The following KCNQ3 variants were observed in gnomAD, a reference collection of about 807,000 sequenced individuals.
KCNQ3 encodes potassium voltage-gated channel subfamily Q member 3, also known as potassium voltage-gated channel subfamily KQT member 3.
A neutral mutation model predicts 92.5 loss-of-function variants in KCNQ3; 30 were observed. The observed-to-expected ratio is 0.32, with a 90% CI of 0.24 to 0.44. The LOEUF (loss-of-function observed/expected upper bound fraction) is 0.44. Ranked by LOEUF, KCNQ3 falls within the 20% of genes least tolerant of loss-of-function variation. KCNQ3 has a pLI of 1.00. For synonymous variants in KCNQ3, 450 were observed against 468.8 expected (o/e 0.96, Z 0.52); for missense variants, 913 against 1,140.3 (o/e 0.80, Z 2.87).
intron 1 of KCNQ3, among the ~76,000 whole-genome samples, chr8:132,304,955 G>A (rs970032894): frequency 1.3e-5 from 2 of 152,168 alleles, no homozygotes; most frequent in African/African-American, 4.8e-5. Flanking sequence ...TGAAGGAAAG[G>A]AGGAAGGAAG....
chr8:132,160,764 G>A lies in KCNQ3; in HGVS notation c.1262+2704C>T, dbSNP rs538047994. On this transcript the variant is annotated intron_variant, in intron 9 of 14. Coordinates refer to ENST00000388996, the MANE Select transcript of KCNQ3 (RefSeq NM_004519.4). ...AGTTGAATTCTTACAATGAGTGGGA[G>A]GTTGGCTTTGATAATTTTATGCTTC... 1.1e-3 allele frequency among the ~76,000 whole-genome samples: 161 copies of A among 152,142 alleles called. 4 individuals carry two copies. The highest frequency in any genetic ancestry group is 6.8e-3 in the Middle Eastern group (2 of 294).
chr8:132,396,235 C>A (rs1487086066), intron 1 of KCNQ3, among the ~76,000 whole-genome samples: 1 of 152,152 alleles, frequency 6.6e-6, no homozygotes, highest in African/African-American at 2.4e-5. Context: ...GAGCAGATAA[C>A]AAACACTTGG....
intron 1 of KCNQ3, among the ~76,000 whole-genome samples, chr8:132,256,088 G>A (rs984518441): frequency 3.9e-5 from 6 of 151,918 alleles, no homozygotes; most frequent in Non-Finnish European, 7.4e-5. Context: ...TCTTACATAT[G>A]TCCAAAACAC....
At chr8:132,221,729 T>A (rs1814244637) in intron 1 of KCNQ3, among the ~76,000 whole-genome samples, 1 of 152,080 alleles carries the variant, frequency 6.6e-6, no homozygotes, top group Non-Finnish European at 1.5e-5. Context: ...TATAGACCAA[T>A]GGAACAGAAC....
chr8:132,211,768 T>C (rs1162640368), intron 1 of KCNQ3, among the ~76,000 whole-genome samples: 1 of 151,812 alleles, frequency 6.6e-6, no homozygotes, highest in Non-Finnish European at 1.5e-5. Context: ...CTGACCAACA[T>C]AGTGACACCC....
At chr8:132,214,130 C>G (rs990595374) in intron 1 of KCNQ3, among the ~76,000 whole-genome samples, 1 of 152,152 alleles carries the variant, frequency 6.6e-6, no homozygotes, top group East Asian at 1.9e-4. Flanking sequence ...TGGCTGTGCC[C>G]CCAAATCACC....
At chr8:132,428,840 T>C (rs937771261) in intron 1 of KCNQ3, among the ~76,000 whole-genome samples, 2 of 152,032 alleles carry the variant, frequency 1.3e-5, no homozygotes, top group African/African-American at 4.8e-5. Context: ...GGTTGACATA[T>C]GAAAAAGAGA....
In KCNQ3 at chr8:132,132,187, T is replaced by G; in HGVS notation, c.1877A>C (p.Glu626Ala). The change falls in exon 14 of 15, where the codon GAA becomes GCA. Residue 626 changes from glutamate to alanine, a missense_variant. By Grantham distance (107) the Glu-to-Ala change is moderately radical (BLOSUM62 -1). This residue lies in a region of KCNQ3 where 375 missense variants were observed against 376.4 expected (regional missense o/e 1.00). Transcript: ENST00000388996. ...GAGGAAGAAAAGACTTACCTGTCTTTCAACTTTTACAAACTTCCCCATCAT... is the reference window on the plus strand; with the variant it reads ...GAGGAAGAAAAGACTTACCTGTCTTGCAACTTTTACAAACTTCCCCATCAT... Reference protein sequence around the residue: ...QSMMGKFVKVERQVQDMGKKL... With the variant: ...QSMMGKFVKVARQVQDMGKKL... 6.2e-7 allele frequency: 1 copy of G among 1,608,360 alleles called. No individual in the cohort carries two copies. The highest frequency in any genetic ancestry group is 2.2e-5 in the East Asian group (1 of 44,868).
intron 1 of KCNQ3, among the ~76,000 whole-genome samples, chr8:132,241,071 T>C (rs1431052551): frequency 1.3e-5 from 2 of 152,036 alleles, no homozygotes; most frequent in Admixed American, 1.3e-4. Context: ...GTATTTTTAG[T>C]AGAGATGGGG....
chr8:132,308,407 A>T (rs991367393), intron 1 of KCNQ3, among the ~76,000 whole-genome samples: 1 of 152,186 alleles, frequency 6.6e-6, no homozygotes, highest in Admixed American at 6.5e-5. Context: ...AGAGAAGAAG[A>T]TAACAAACTC....
chr8:132,292,678 T>A (rs1214305620), intron 1 of KCNQ3, among the ~76,000 whole-genome samples: 1 of 152,162 alleles, frequency 6.6e-6, no homozygotes, highest in Non-Finnish European at 1.5e-5. Context: ...ACTCGTGTGG[T>A]GTTATGATAT....
At chr8:132,478,443 C>T (rs188994942) in intron 1 of KCNQ3, among the ~76,000 whole-genome samples, 1 of 152,208 alleles carries the variant, frequency 6.6e-6, no homozygotes, top group Non-Finnish European at 1.5e-5. Context: ...ACTCAACGAA[C>T]TTCTTGTGCC....
At chr8:132,379,693 T>G (rs1819695575) in intron 1 of KCNQ3, among the ~76,000 whole-genome samples, 1 of 152,202 alleles carries the variant, frequency 6.6e-6, no homozygotes. Flanking sequence ...AAATAGAACG[T>G]CCTTAATTTT....
intron 1 of KCNQ3, among the ~76,000 whole-genome samples, chr8:132,402,051 T>C (rs1168148470): frequency 1.3e-5 from 2 of 152,060 alleles, no homozygotes; most frequent in Admixed American, 1.3e-4. Flanking sequence ...GGGGCAAGGG[T>C]GTGCATGTGC....
chr8:132,441,632 T>C (rs1285613422), intron 1 of KCNQ3, among the ~76,000 whole-genome samples: 1 of 152,180 alleles, frequency 6.6e-6, no homozygotes, highest in African/African-American at 2.4e-5. Context: ...CCTTTGGGTA[T>C]ATACCCAGTA....
In KCNQ3 at chr8:132,328,077, T is replaced by C. The variant is rs545121389; in HGVS notation, c.387-141896A>G. Among the ~76,000 whole-genome samples the C allele has an allele frequency of 2.6e-5, 4 of 152,270 alleles. No individual in the cohort carries two copies. In the East Asian group the frequency reaches 7.7e-4, roughly 29 times the overall value. On this transcript the variant is annotated intron_variant, in intron 1 of 14. Coordinates refer to ENST00000388996, the MANE Select transcript of KCNQ3 (RefSeq NM_004519.4). ...GCTCTCTGCAGTCACACAGGATGGC[T>C]GGGCTGTGCCATGTTCACCTGAACC...
At position 132,313,084 on chromosome 8, in the gene KCNQ3, A is replaced by T. The variant is rs115401333; in HGVS notation, c.387-126903T>A. ...TATTAAGGTGGCAGTGAGCAAGGCC[A>T]ACAGCAATCCACGTAACCCTGCCTG... On this transcript the variant is annotated intron_variant, in intron 1 of 14. Coordinates refer to ENST00000388996, the MANE Select transcript of KCNQ3 (RefSeq NM_004519.4). Among the ~76,000 whole-genome samples, 771 of 152,332 alleles carry T rather than the reference A, an allele frequency of 5.1e-3. 8 individuals carry two copies. The highest frequency in any genetic ancestry group is 0.018 in the African/African-American group (739 of 41,568).
At chr8:132,390,099 A>ATG (rs1439467907) in intron 1 of KCNQ3, among the ~76,000 whole-genome samples, 5 of 152,248 alleles carry the variant, frequency 3.3e-5, no homozygotes, top group Admixed American at 3.3e-4. Flanking sequence ...CTAGAGCTAC[A>ATG]TGCAACAACA....
chr8:132,405,171 ATT>A (rs1453172607), intron 1 of KCNQ3, among the ~76,000 whole-genome samples: 3 of 152,230 alleles, frequency 2.0e-5, no homozygotes, highest in Non-Finnish European at 4.4e-5. Flanking sequence ...ACTGGGCAAG[ATT>A]TCAAGAAGCA....
Sources: allele counts gnomAD v4.1 joint callset (sites outside exome capture counted in the v4.1 genomes callset), GRCh38; gene constraint gnomAD v4.1.1; regional missense constraint gnomAD v4.1.1; transcripts MANE v1.5; gene names NCBI Gene and HGNC (gene_info 2026-07-23, HGNC 2026-07-21).